The following EPB41L4A variants were observed in gnomAD, a reference collection of about 807,000 sequenced individuals.
EPB41L4A encodes the protein band 4.1-like protein 4A.
Under a neutral mutation model 108.6 loss-of-function variants are expected in EPB41L4A, and 100 were observed. The ratio of observed to expected loss-of-function variants is 0.92; its 90% CI spans 0.78 to 1.09. The LOEUF (loss-of-function observed/expected upper bound fraction) is 1.09, where lower values mean the gene tolerates loss of function less well. Ranked by LOEUF, EPB41L4A falls within the 50% of genes least tolerant of loss-of-function variation. The pLI, the probability that EPB41L4A is intolerant of heterozygous loss-of-function variation, is 0.00. For missense variants in EPB41L4A, 1,030 were observed against 842.7 expected, an observed-to-expected ratio of 1.22 and a Z score of -2.75; for synonymous variants, 319 against 289.0, an observed-to-expected ratio of 1.10 and a Z score of -1.05.
intron 1 of EPB41L4A, among the ~76,000 whole-genome samples, chr5:112,373,251 C>A (rs1177076961): frequency 6.6e-6 from 1 of 152,162 alleles, no homozygotes; most frequent in East Asian, 1.9e-4. Context: ...TGGGACAAGA[C>A]CCCAGAAGGG....
intron 1 of EPB41L4A, among the ~76,000 whole-genome samples, chr5:112,358,564 G>C (rs1255300165): frequency 6.6e-6 from 1 of 152,188 alleles, no homozygotes. Flanking sequence ...ACTGAGTAAT[G>C]GCAAGGATGC....
At chr5:112,159,901 C>CTTT (rs540095907), downstream of EPB41L4A, among the ~76,000 whole-genome samples, 5 of 130,368 alleles carry the variant, frequency 3.8e-5, no homozygotes, top group Non-Finnish European at 8.0e-5. Flanking sequence ...TTTCTTTTTA[C>CTTT]TTTTTTTTTT....
chr5:112,355,073 CAG>C (rs1758284095), intron 1 of EPB41L4A, among the ~76,000 whole-genome samples: 1 of 152,090 alleles, frequency 6.6e-6, no homozygotes, highest in Non-Finnish European at 1.5e-5. Flanking sequence ...CCTTAGGTTG[CAG>C]TTTTGTTGTT....
At chr5:112,241,834 T>C (rs918725127) in intron 9 of EPB41L4A, among the ~76,000 whole-genome samples, 1 of 152,232 alleles carries the variant, frequency 6.6e-6, no homozygotes, top group Non-Finnish European at 1.5e-5. Flanking sequence ...AAGTGAATAT[T>C]GCAATAAAGT....
At chr5:112,398,391 G>A (rs1179343219) in intron 1 of EPB41L4A, among the ~76,000 whole-genome samples, 1 of 151,650 alleles carries the variant, frequency 6.6e-6, no homozygotes, top group African/African-American at 2.4e-5. Context: ...GGTTTTTTTT[G>A]TTTGTTTCTT....
At chr5:112,292,928 G>A (rs1753742838) in intron 2 of EPB41L4A, among the ~76,000 whole-genome samples, 1 of 152,084 alleles carries the variant, frequency 6.6e-6, no homozygotes, top group African/African-American at 2.4e-5. Flanking sequence ...CGGGGAGAAG[G>A]ACAGTCTAAT....
chr5:112,398,298 T>C (rs1226822097), intron 1 of EPB41L4A, among the ~76,000 whole-genome samples: 1 of 152,220 alleles, frequency 6.6e-6, no homozygotes. Flanking sequence ...CTACCAAATC[T>C]CTATCCTGGC....
At chr5:112,179,426 C>A (rs1021886477) in intron 18 of EPB41L4A, among the ~76,000 whole-genome samples, 1 of 152,104 alleles carries the variant, frequency 6.6e-6, no homozygotes, top group East Asian at 1.9e-4. Context: ...AGAAAAAAAT[C>A]TTAACAAGGT....
chr5:112,370,807 C>G (rs1229789237), intron 1 of EPB41L4A, among the ~76,000 whole-genome samples: 1 of 152,134 alleles, frequency 6.6e-6, no homozygotes, highest in Non-Finnish European at 1.5e-5. Flanking sequence ...CCCAGCTACT[C>G]AGGAGCCTGT....
rs539433552 is a variant in EPB41L4A, at chr5:112,373,114, C to G, written c.99+45827G>C. 5.3e-5 allele frequency among the ~76,000 whole-genome samples: 8 copies of G among 152,274 alleles called. No individual in the cohort carries two copies. The East Asian group carries it at 1.5e-3, about 29-fold the overall frequency. ...ACAGATCCCCACACTGCAGACTGAG[C>G]AGGAACTCCTGCTCTATCCACCTGC... On this transcript the variant is annotated intron_variant, in intron 1 of 22. Transcript: ENST00000261486.
chr5:112,395,402 A>G (rs926838928), intron 1 of EPB41L4A, among the ~76,000 whole-genome samples: 6 of 152,234 alleles, frequency 3.9e-5, no homozygotes, highest in Non-Finnish European at 7.3e-5. Context: ...ATTTAGAAGA[A>G]AAAACAAACA....
intron 1 of EPB41L4A, among the ~76,000 whole-genome samples, chr5:112,390,767 G>A (rs937264898): frequency 1.3e-5 from 2 of 152,206 alleles, no homozygotes; most frequent in Admixed American, 6.5e-5. Flanking sequence ...TGACCCCCAT[G>A]TAGCCTAACT....
rs142223822 is a variant in EPB41L4A, at chr5:112,171,106, A to C, written c.1623-114T>G. ...GTTCTTATTTGCCAGCTGAGAACAG[A>C]CAAGGAAAGACTGGACAGGGAGAGC... On this transcript the variant is annotated intron_variant, in intron 18 of 22. Coordinates refer to ENST00000261486, the MANE Select transcript of EPB41L4A (RefSeq NM_022140.5). 3 of 879,764 alleles carry C rather than the reference A, an allele frequency of 3.4e-6. No homozygotes were observed. The African/African-American group carries it at 5.0e-5, about 15-fold the overall frequency. 54.5% of individuals were successfully genotyped at this position (879,764 alleles called of 1,614,324 possible).
intron 1 of EPB41L4A, chr5:112,363,437 A>AT (rs397975998): frequency 6.7e-6 from 1 of 149,724 alleles, no homozygotes; most frequent in African/African-American, 2.5e-5. Flanking sequence ...AAAAAAAAAA[A>AT]TCAGCCAGGC....
rs138856595 is a variant in EPB41L4A at position 112,325,989 on chromosome 5, T to C, written c.100-18499A>G. Reference sequence around the variant, plus strand: ...CAACATTGTAAGACCCATCTCTAAATAAATTTTTAAAATTAGCCAAGTGGG... The same window carrying C: ...CAACATTGTAAGACCCATCTCTAAACAAATTTTTAAAATTAGCCAAGTGGG... On this transcript the variant is annotated intron_variant, in intron 1 of 22. Transcript: ENST00000261486. Among the ~76,000 whole-genome samples, 219 of 152,078 alleles carry C rather than the reference T, an allele frequency of 1.4e-3. 3 individuals carry two copies. The highest frequency in any genetic ancestry group is 5.1e-3 in the African/African-American group (211 of 41,498).
At position 112,341,663 on chromosome 5, in the gene EPB41L4A, G is replaced by A. The variant is rs189265000; in HGVS notation, c.100-34173C>T. On this transcript the variant is annotated intron_variant, in intron 1 of 22. Coordinates refer to ENST00000261486, the MANE Select transcript of EPB41L4A (RefSeq NM_022140.5). Reference sequence around the variant, plus strand: ...GCAGTTGCTCACGCCCATAATTCTGGCACTTTGGGAGGCTGAGGCAGGTGG... The same window carrying A: ...GCAGTTGCTCACGCCCATAATTCTGACACTTTGGGAGGCTGAGGCAGGTGG... 3.1e-3 allele frequency among the ~76,000 whole-genome samples: 468 copies of A among 152,120 alleles called. 4 individuals carry two copies. Among genetic ancestry groups the A allele is most frequent in the Middle Eastern group, 6.8e-3 (2 of 294 alleles).
chr5:112,336,503 G>A (rs771487558), intron 1 of EPB41L4A, among the ~76,000 whole-genome samples: 1 of 152,130 alleles, frequency 6.6e-6, no homozygotes, highest in Non-Finnish European at 1.5e-5. Context: ...TCTTTACCCT[G>A]TACACATTAT....
Position 112,288,168 on chromosome 5 carries a change from A to C in EPB41L4A, c.205-7845T>G, listed in dbSNP as rs548502454. Among the ~76,000 whole-genome samples, 11 of 152,332 alleles carry C rather than the reference A, an allele frequency of 7.2e-5. No individual in the cohort carries two copies. In the East Asian group the frequency reaches 2.1e-3, roughly 29 times the overall value. On this transcript the variant is annotated intron_variant, in intron 2 of 22. Transcript: ENST00000261486. The stretch of plus-strand genomic sequence containing the variant: ...AACACCATGCCTCATGGACCCTTTC[A>C]AAACAAGATCCTCTAATAATCTTAA...
chr5:112,200,346 C>G (rs1762160355), intron 15 of EPB41L4A, among the ~76,000 whole-genome samples: 1 of 152,196 alleles, frequency 6.6e-6, no homozygotes, highest in Non-Finnish European at 1.5e-5. Context: ...ATTACACAGG[C>G]ATCTATTTAT....
Sources: allele counts gnomAD v4.1 joint callset (sites outside exome capture counted in the v4.1 genomes callset), GRCh38; gene constraint gnomAD v4.1.1; transcripts MANE v1.5; gene names NCBI Gene and HGNC (gene_info 2026-07-23, HGNC 2026-07-21).